HBS1L: variants seen among roughly 807,000 people sequenced by gnomAD.
HBS1L encodes HBS1 like translational GTPase, also known as HBS1-like protein.
Under a neutral mutation model 88.9 loss-of-function variants are expected in HBS1L, and 55 were observed. The ratio of observed to expected loss-of-function variants is 0.62; its 90% CI spans 0.50 to 0.77. The LOEUF is 0.77. HBS1L is among the 30% of genes least tolerant of loss of function. The pLI is 0.00. For synonymous variants in HBS1L, 267 were observed against 288.5 expected (o/e 0.93, Z 0.76); for missense variants, 741 against 829.3 (o/e 0.89, Z 1.31).
chr6:135,007,273 T>C (rs1775640819), intron 4 of HBS1L, among the ~76,000 whole-genome samples: 1 of 152,200 alleles, frequency 6.6e-6, no homozygotes, highest in Admixed American at 6.5e-5. Context: ...GAAAGTCTAG[T>C]ATGGATTTGA....
intron 2 of HBS1L, among the ~76,000 whole-genome samples, chr6:135,044,544 T>G (rs1446148439): frequency 6.6e-6 from 1 of 152,218 alleles, no homozygotes; most frequent in Non-Finnish European, 1.5e-5. Context: ...AATCTCAGAA[T>G]TAGAGATGTG....
In HBS1L at chr6:134,964,933, C is replaced by T. The variant is rs1359040841; in HGVS notation, c.*346G>A. The T allele has an allele frequency of 3.6e-6, 1 of 277,214 alleles. No homozygotes were observed. Among genetic ancestry groups the T allele is most frequent in the Non-Finnish European group, 6.8e-6 (1 of 147,476 alleles). 17.2% of individuals were successfully genotyped at this position (277,214 alleles called of 1,614,324 possible). On this transcript the variant is annotated 3_prime_UTR_variant, in exon 18 of 18. Coordinates refer to ENST00000367837, the MANE Select transcript of HBS1L (RefSeq NM_006620.4). ...ATAATTGAATCAAAAGAGAAAACTG[C>T]AAATACATTGTGCTTTGGCCAGAAG...
rs1211189595 is a variant in HBS1L, at chr6:134,994,580, C to T, written c.966-705G>A. ...AATGAGGTATCTTGGGGATGGGACCCACATCTAAACACAAAATTCCTTTGT... is the reference window on the plus strand; with the variant it reads ...AATGAGGTATCTTGGGGATGGGACCTACATCTAAACACAAAATTCCTTTGT... On this transcript the variant is annotated intron_variant, in intron 7 of 17. Coordinates refer to ENST00000367837, the MANE Select transcript of HBS1L (RefSeq NM_006620.4). 2.6e-5 allele frequency among the ~76,000 whole-genome samples: 4 copies of T among 151,968 alleles called. No individual in the cohort carries two copies. The East Asian group carries it at 7.7e-4, about 29-fold the overall frequency.
At chr6:134,978,444 C>A (rs948789290) in intron 15 of HBS1L, among the ~76,000 whole-genome samples, 3 of 151,802 alleles carry the variant, frequency 2.0e-5, no homozygotes, top group African/African-American at 7.3e-5. Context: ...TACTTTGTAT[C>A]CTATTTATTA....
chr6:134,972,656 A>G (rs904254345), intron 15 of HBS1L, among the ~76,000 whole-genome samples: 6 of 152,214 alleles, frequency 3.9e-5, no homozygotes, highest in Non-Finnish European at 7.3e-5. Context: ...ATGAAAAGGC[A>G]GCCTAGAGAA....
chr6:135,039,312 T>C (rs200140036), intron 4 of HBS1L, among the ~76,000 whole-genome samples: 2 of 152,030 alleles, frequency 1.3e-5, no homozygotes, highest in East Asian at 3.8e-4. Flanking sequence ...AGTGAGACTC[T>C]GTCTCAAAAA....
rs1297974032 is a variant in HBS1L at position 134,963,026 on chromosome 6, C to T, written c.*2253G>A. 3.4e-4 allele frequency: 52 copies of T among 152,196 alleles called. 1 individual carries two copies. The highest frequency in any genetic ancestry group is 3.4e-3 in the Admixed American group (52 of 15,276). The allele number at this position is 152,196 out of a possible 1,614,324, so 9.4% of individuals were successfully genotyped here. The stretch of plus-strand genomic sequence containing the variant: ...GAAGGAAGGAATGAATAAATGCATT[C>T]ATTTCTACTACTATTTGTTTATGCT... On this transcript the variant is annotated 3_prime_UTR_variant, in exon 18 of 18. Coordinates refer to ENST00000367837, the MANE Select transcript of HBS1L (RefSeq NM_006620.4).
At position 134,963,583 on chromosome 6, in the gene HBS1L, T is replaced by C. The variant is rs1774233613; in HGVS notation, c.*1696A>G. The C allele has an allele frequency of 6.6e-6, 1 of 152,248 alleles. No individual in the cohort carries two copies. The highest frequency in any genetic ancestry group is 2.1e-4 in the South Asian group (1 of 4,818). 9.4% of individuals were successfully genotyped at this position (152,248 alleles called of 1,614,324 possible). On this transcript the variant is annotated 3_prime_UTR_variant, in exon 18 of 18. Transcript: ENST00000367837. ...GGCATGTGGCACCACACCCAGCTGATCTGTTTTTAAATTTTTTCTGTAGAG... is the reference window on the plus strand; with the variant it reads ...GGCATGTGGCACCACACCCAGCTGACCTGTTTTTAAATTTTTTCTGTAGAG...
chr6:134,997,834 A>G (rs1165566255), intron 5 of HBS1L, among the ~76,000 whole-genome samples, 178 bp from the exon 6 acceptor site: 1 of 152,194 alleles, frequency 6.6e-6, no homozygotes, highest in African/African-American at 2.4e-5. Flanking sequence ...CTCAAACCAC[A>G]CAAATACAAC....
intron 3 of HBS1L, among the ~76,000 whole-genome samples, chr6:135,040,804 G>A (rs533037399): frequency 2.6e-5 from 4 of 152,190 alleles, no homozygotes; most frequent in African/African-American, 9.6e-5. Context: ...TGTATCCCTA[G>A]AACCCTTTGT....
At chr6:134,990,127 AT>A (rs1775089464) in intron 8 of HBS1L, among the ~76,000 whole-genome samples, 1 of 152,220 alleles carries the variant, frequency 6.6e-6, no homozygotes, top group Admixed American at 6.5e-5. Context: ...TTGAATTGGT[AT>A]TAAGATACCT....
chr6:135,042,168 T>C, intron 2 of HBS1L, 42 bp from the exon 3 acceptor site: 2 of 1,528,126 alleles, frequency 1.3e-6, no homozygotes, highest in Non-Finnish European at 1.8e-6. Flanking sequence ...GTATAGCCAT[T>C]TCCTATTAAC....
At chr6:134,988,701 T>C (rs1280095703) in intron 8 of HBS1L, among the ~76,000 whole-genome samples, 3 of 152,208 alleles carry the variant, frequency 2.0e-5, no homozygotes, top group Non-Finnish European at 4.4e-5. Flanking sequence ...AAGCGCATCC[T>C]CAAATATTGC....
chr6:134,987,000 G>T (rs1403533195), intron 9 of HBS1L, among the ~76,000 whole-genome samples, 190 bp from the exon 10 acceptor site: 2 of 151,972 alleles, frequency 1.3e-5, no homozygotes, highest in Admixed American at 1.3e-4. Context: ...ATGCTCAAAG[G>T]CATTTTAATC....
rs747497571 is a variant in HBS1L at position 135,018,151 on chromosome 6, G to GA, written c.431-15310dup. Among the ~76,000 whole-genome samples, 160 of 151,884 alleles carry GA rather than the reference G, an allele frequency of 1.1e-3. 1 individual carries two copies. Among genetic ancestry groups the GA allele is most frequent in the South Asian group, 6.2e-4 (3 of 4,822 alleles). ...AAGAAATCAGTGCTAAATTTCCAAT[G>GA]AAAAAAACACTACTTAAAATATGAA... On this transcript the variant is annotated intron_variant, in intron 4 of 17. Transcript: ENST00000367837.
At chr6:134,970,980 T>C (rs9376074) in intron 15 of HBS1L, among the ~76,000 whole-genome samples, 41,706 of 152,044 alleles carry the variant, frequency 0.27, 7,016 homozygotes, top group East Asian at 0.47. Flanking sequence ...TGTAGAAACA[T>C]TGGCACTTCT....
At chr6:135,014,384 C>T (rs575533103) in intron 4 of HBS1L, among the ~76,000 whole-genome samples, 14 of 152,244 alleles carry the variant, frequency 9.2e-5, no homozygotes, top group African/African-American at 3.4e-4. Flanking sequence ...ATAGCATGTT[C>T]TTGGCACTGA....
intron 4 of HBS1L, chr6:135,037,666 C>A: frequency 6.4e-7 from 1 of 1,550,482 alleles, no homozygotes; most frequent in Non-Finnish European, 8.7e-7. Context: ...TGCATGAGGT[C>A]TCAACAAATC....
At chr6:135,048,381 T>A (rs1458311564) in intron 2 of HBS1L, among the ~76,000 whole-genome samples, 1 of 152,196 alleles carries the variant, frequency 6.6e-6, no homozygotes, top group Non-Finnish European at 1.5e-5. Flanking sequence ...AAAGGCGGAA[T>A]CCCCTCTTTA....
Sources: allele counts gnomAD v4.1 joint callset (sites outside exome capture counted in the v4.1 genomes callset), GRCh38; gene constraint gnomAD v4.1.1; transcripts MANE v1.5; gene names NCBI Gene and HGNC (gene_info 2026-07-23, HGNC 2026-07-21).